The following MYCBPAP variants were observed in gnomAD, a reference collection of about 807,000 sequenced individuals.
MYCBPAP encodes MYCBP associated protein, also known as MYCBP-associated protein.
Under a neutral mutation model 106.1 loss-of-function variants are expected in MYCBPAP, and 60 were observed. That is an observed-to-expected ratio of 0.57 (90% CI 0.46 to 0.70). The LOEUF is 0.70. Among genes scored for constraint, MYCBPAP ranks in the 30% least tolerant of loss-of-function variants. The pLI is 0.00. For synonymous variants in MYCBPAP, 407 were observed against 440.6 expected (o/e 0.92, Z 0.95); for missense variants, 1,064 against 1,169.3 (o/e 0.91, Z 1.31).
In MYCBPAP at chr17:50,519,098, A is replaced by G. The variant is rs746062321; in HGVS notation, c.768+9A>G. ...CCCGGCGTGATAGGAAAGTGAGGCC[A>G]CCTGTCCTAAGTGCCCGGGGGCAGG... On this transcript the variant is annotated intron_variant, in intron 6 of 18. Coordinates refer to ENST00000323776, the MANE Select transcript of MYCBPAP (RefSeq NM_032133.6). The G allele has an allele frequency of 5.3e-6, 8 of 1,506,516 alleles. No individual in the cohort carries two copies. The highest frequency in any genetic ancestry group is 1.7e-4 in the Middle Eastern group (1 of 5,728). The allele number at this position is 1,506,516 out of a possible 1,614,324, so 93.3% of individuals were successfully genotyped here.
In MYCBPAP at chr17:50,525,968, C is replaced by A; in HGVS notation, c.1870C>A (p.Pro624Thr). Residue 624 changes from proline to threonine, a missense_variant, in exon 14 of 19, where the codon CCA (proline) becomes ACA (threonine). Coordinates refer to ENST00000323776, the MANE Select transcript of MYCBPAP (RefSeq NM_032133.6). The part of the protein sequence containing the change: ...TLPAKAEEAR[P>T]GDKEHVSPIA... ...GCCCGCCAAGGCTGAGGAGGCCAGG[C>A]CAGGGGACAAGGAGCACGTCAGCCC... 6.2e-7 allele frequency: 1 copy of A among 1,613,780 alleles called. No individual in the cohort carries two copies. Among genetic ancestry groups the A allele is most frequent in the African/African-American group, 1.3e-5 (1 of 75,000 alleles).
chr17:50,511,828 A>G (rs1387769275), intron 1 of MYCBPAP, among the ~76,000 whole-genome samples: 1 of 151,898 alleles, frequency 6.6e-6, no homozygotes, highest in Admixed American at 6.6e-5. Context: ...GCAGGTCCTA[A>G]AATGATCCCT....
chr17:50,527,321 AGGATGCGTT>A lies in MYCBPAP; in HGVS notation c.2206_2214del (p.Asp736_Leu738del). The A allele has an allele frequency of 1.2e-6, 2 of 1,614,050 alleles. No homozygotes were observed. The highest frequency in any genetic ancestry group is 1.1e-5 in the South Asian group (1 of 91,084). ...GTGCTCCCTGATGAGAACCACAGAG[AGGATGCGTT>A]GATGAGGCTCAACAAAGCAGCCCTG... is the stretch of plus-strand genomic sequence containing the variant. On this transcript the variant is annotated inframe_deletion, in exon 15 of 19. Transcript: ENST00000323776.
intron 18 of MYCBPAP, chr17:50,529,879 G>A (rs759260082): frequency 2.2e-6 from 1 of 450,212 alleles, no homozygotes; most frequent in Non-Finnish European, 4.5e-6. Flanking sequence ...TAAGTAGCAG[G>A]TCCTTAGAAA....
chr17:50,526,212 A>G lies in MYCBPAP; in HGVS notation c.2114A>G (p.Glu705Gly), dbSNP rs199612061. The G allele has an allele frequency of 1.3e-4, 208 of 1,612,994 alleles. No individual in the cohort carries two copies. Among genetic ancestry groups the G allele is most frequent in the Admixed American group, 8.0e-4 (48 of 59,946 alleles). Reference protein sequence around the residue: ...PDVDSTKSPWEPDGLPLLEWN... With the variant: ...PDVDSTKSPWGPDGLPLLEWN... Reference sequence around the variant, plus strand: ...GTGGACAGCACCAAGAGCCCCTGGGAGCCGGATGGCCTTCCCCTGCTGGAG... The same window carrying G: ...GTGGACAGCACCAAGAGCCCCTGGGGGCCGGATGGCCTTCCCCTGCTGGAG... The change falls in exon 14 of 19, where the codon GAG (glutamate) becomes GGG (glycine). Residue 705 changes from glutamate (E) to glycine (G), a missense_variant. By Grantham distance (98) the Glu-to-Gly change is moderately conservative (BLOSUM62 -2). Transcript: ENST00000323776.
Position 50,517,684 on chromosome 17 carries a change from C to T in MYCBPAP, c.454C>T (p.Arg152Ter), listed in dbSNP as rs774403856. The change falls in exon 4 of 19, where the codon CGA becomes TGA. Residue 152 changes from arginine to a stop codon, truncating the protein, a stop_gained. Coordinates refer to ENST00000323776, the MANE Select transcript of MYCBPAP (RefSeq NM_032133.6). LOFTEE classifies it high-confidence loss of function. ...LQDFKRIALA[R>*]GNTQLAERIP... ...GGATTTTAAGAGAATTGCACTTGCT[C>T]GAGGGAACACCCAGGTTTGTTTGCA... The T allele has an allele frequency of 5.0e-6, 8 of 1,613,878 alleles. No individual in the cohort carries two copies. The highest frequency in any genetic ancestry group is 4.5e-5 in the East Asian group (2 of 44,886).
intron 1 of MYCBPAP, among the ~76,000 whole-genome samples, chr17:50,512,719 G>T (rs940186405): frequency 6.6e-6 from 1 of 152,132 alleles, no homozygotes; most frequent in South Asian, 2.1e-4. Context: ...TACCATCTTT[G>T]TAGTTTATAG....
At chr17:50,521,558 C>G in intron 9 of MYCBPAP, 127 bp downstream of exon 9, 1 of 713,270 alleles carries the variant, frequency 1.4e-6, no homozygotes, top group Non-Finnish European at 2.4e-6. Flanking sequence ...GTGGTTGCCA[C>G]CCACTCCTTG....
At position 50,508,528 on chromosome 17, in the gene MYCBPAP, GCC is replaced by G; in HGVS notation, c.-145_-144del. On this transcript the variant is annotated 5_prime_UTR_variant, in exon 1 of 19. Transcript: ENST00000323776. ...AGAAGGAGGTTTCCAAGCCGTCTCC[GCC>G]CAAGTTGATCGGTGGATGCGCGCCC... is the stretch of plus-strand genomic sequence containing the variant. 6.5e-7 allele frequency: 1 copy of G among 1,537,278 alleles called. No individual in the cohort carries two copies. Among genetic ancestry groups the G allele is most frequent in the African/African-American group, 1.4e-5 (1 of 72,034 alleles).
Position 50,516,431 on chromosome 17 carries a change from T to A in MYCBPAP, c.77-139T>A, listed in dbSNP as rs543341391. 2,565 of 1,075,092 alleles carry A rather than the reference T, an allele frequency of 2.4e-3. 51 individuals are homozygous for A. In the African/African-American group the frequency reaches 0.037, roughly 16 times the overall value. The allele number at this position is 1,075,092 out of a possible 1,614,324, so 66.6% of individuals were successfully genotyped here. ...TGCTACCCAGGCCACCTTGGCAGCC[T>A]CTGCTATCTATCCAGCTGGTCAGCT... On this transcript the variant is annotated intron_variant, in intron 1 of 18. Transcript: ENST00000323776.
intron 16 of MYCBPAP, 35 bp downstream of exon 16, chr17:50,528,305 A>G: frequency 1.3e-6 from 2 of 1,503,868 alleles, no homozygotes; most frequent in Non-Finnish European, 9.2e-7. Flanking sequence ...ACCTCTGCAT[A>G]GCCCTCCTCA....
chr17:50,525,995 A>C lies in MYCBPAP; in HGVS notation c.1897A>C (p.Ile633Leu), dbSNP rs147669445. The C allele has an allele frequency of 2.5e-6, 4 of 1,613,782 alleles. No individual in the cohort carries two copies. Among genetic ancestry groups the C allele is most frequent in the Non-Finnish European group, 3.4e-6 (4 of 1,180,038 alleles). Reference sequence around the variant, plus strand: ...AGGGGACAAGGAGCACGTCAGCCCCATAGCCACAGAGAAGGCCTCTGTGAA... The same window carrying C: ...AGGGGACAAGGAGCACGTCAGCCCCCTAGCCACAGAGAAGGCCTCTGTGAA... Reference protein sequence around the residue: ...RPGDKEHVSPIATEKASVNAE... With the variant: ...RPGDKEHVSPLATEKASVNAE... Residue 633 changes from isoleucine (I) to leucine (L), a missense_variant, in exon 14 of 19, where the codon ATA (isoleucine) becomes CTA (leucine). Ile to Leu is a conservative substitution (Grantham distance 5). Transcript: ENST00000323776.
At chr17:50,514,089 G>A (rs932101173) in intron 1 of MYCBPAP, among the ~76,000 whole-genome samples, 1 of 152,206 alleles carries the variant, frequency 6.6e-6, no homozygotes, top group Non-Finnish European at 1.5e-5. Flanking sequence ...AGGTTCTCCT[G>A]TGTTGCCCAG....
chr17:50,517,721 G>A (rs373497259), intron 4 of MYCBPAP, 23 bp downstream of exon 4: 177 of 1,598,908 alleles, frequency 1.1e-4, no homozygotes, highest in Middle Eastern at 1.7e-4. Context: ...AGAACTACCC[G>A]GATGAGAGCA....
intron 1 of MYCBPAP, among the ~76,000 whole-genome samples, chr17:50,515,255 C>T (rs913551833): frequency 1.3e-5 from 2 of 152,050 alleles, no homozygotes; most frequent in Admixed American, 1.3e-4. Flanking sequence ...TGTTCCCCCC[C>T]ACCATGTTCC....
intron 1 of MYCBPAP, among the ~76,000 whole-genome samples, chr17:50,511,584 C>G (rs1037968432): frequency 6.6e-6 from 1 of 152,234 alleles, no homozygotes; most frequent in African/African-American, 2.4e-5. Context: ...GCTTCCTACC[C>G]CCACCTGAGC....
In MYCBPAP at chr17:50,508,474, C is replaced by A; in HGVS notation, c.-201C>A. On this transcript the variant is annotated 5_prime_UTR_variant, in exon 1 of 19. Coordinates refer to ENST00000323776, the MANE Select transcript of MYCBPAP (RefSeq NM_032133.6). The stretch of plus-strand genomic sequence containing the variant: ...AGGGGTCCGTCGCTCTTGAAGCCGC[C>A]GGCGGCGGGCGCGTGCGCGGCCCGA... 2.1e-6 allele frequency: 3 copies of A among 1,443,960 alleles called. No homozygotes were observed. The highest frequency in any genetic ancestry group is 1.3e-5 in the South Asian group (1 of 77,008). 89.4% of individuals were successfully genotyped at this position (1,443,960 alleles called of 1,614,324 possible).
Position 50,516,575 on chromosome 17 carries a change from A to G in MYCBPAP, c.82A>G (p.Lys28Glu). 6.2e-7 allele frequency: 1 copy of G among 1,613,850 alleles called. No homozygotes were observed. Among genetic ancestry groups the G allele is most frequent in the Non-Finnish European group, 8.5e-7 (1 of 1,179,954 alleles). The change falls in exon 2 of 19, where the codon AAG (lysine) becomes GAG (glutamate). Residue 28 changes from lysine (K) to glutamate (E), a missense_variant. Transcript: ENST00000323776. ...AACTTTCTGCTTCTCTTCAGAAAAGAAGCGGGCAAAGGGACCTGAACAACC... is the reference window on the plus strand; with the variant it reads ...AACTTTCTGCTTCTCTTCAGAAAAGGAGCGGGCAAAGGGACCTGAACAACC... ...LEASENVKEK[K>E]RAKGPEQPTP...
At chr17:50,525,551 C>T (rs2034429223) in intron 13 of MYCBPAP, among the ~76,000 whole-genome samples, 1 of 152,054 alleles carries the variant, frequency 6.6e-6, no homozygotes, top group South Asian at 2.1e-4. Context: ...CAGTGTCCCA[C>T]TCATAGCTCA....
Sources: allele counts gnomAD v4.1 joint callset (sites outside exome capture counted in the v4.1 genomes callset), GRCh38; gene constraint gnomAD v4.1.1; transcripts MANE v1.5; gene names NCBI Gene and HGNC (gene_info 2026-07-23, HGNC 2026-07-21).